PITPNC1: variants seen among roughly 807,000 people sequenced by gnomAD.
PITPNC1 encodes phosphatidylinositol transfer protein cytoplasmic 1, also known as cytoplasmic phosphatidylinositol transfer protein 1.
PITPNC1 carries 18 observed loss-of-function variants against 44.7 expected under a neutral mutation model. The observed-to-expected ratio is 0.40, with a 90% confidence interval of 0.28 to 0.60. The LOEUF is 0.60. PITPNC1 is among the 20% of genes least tolerant of loss of function. The probability of loss-of-function intolerance (pLI) is 0.39; values close to 1 mark genes in which losing one functional copy is unlikely to be tolerated. For missense variants in PITPNC1, 290 were observed against 418.4 expected, an observed-to-expected ratio of 0.69 and a Z score of 2.68; for synonymous variants, 141 against 149.6, an observed-to-expected ratio of 0.94 and a Z score of 0.42.
chr17:67,631,058 T>C (rs1234288220), intron 5 of PITPNC1, among the ~76,000 whole-genome samples: 1 of 126,782 alleles, frequency 7.9e-6, no homozygotes, highest in Non-Finnish European at 1.6e-5. Context: ...TTGTTGTTAT[T>C]ATTATTATTA....
At position 67,510,514 on chromosome 17, in the gene PITPNC1, C is replaced by CTCTAATCCCTCTCT. The variant is rs1447415330; in HGVS notation, c.49-22288_49-22287insTCTAATCCCTCTCT. Among the ~76,000 whole-genome samples the CTCTAATCCCTCTCT allele has an allele frequency of 1.9e-4, 29 of 152,338 alleles. No individual in the cohort carries two copies. In the East Asian group the frequency reaches 4.8e-3, roughly 25 times the overall value. The stretch of plus-strand genomic sequence containing the variant: ...TTCTTCAGAAGCCTCTCTAATGCCT[C>CTCTAATCCCTCTCT]AAGCCCTTCACTACTCAAGAGGGCG... On this transcript the variant is annotated intron_variant, in intron 1 of 8. Coordinates refer to ENST00000581322, the MANE Select transcript of PITPNC1 (RefSeq NM_012417.4).
intron 2 of PITPNC1, among the ~76,000 whole-genome samples, chr17:67,540,399 C>T (rs11869090): frequency 0.56 from 84,500 of 151,980 alleles, 23,823 homozygotes; most frequent in East Asian, 0.77. Context: ...GCCATCGCAC[C>T]TGGCCTATTC....
In PITPNC1 at chr17:67,631,657, A is replaced by AAAATATATAT. The variant is rs1555574522; in HGVS notation, c.367-485_367-484insAATATATATA. Among the ~76,000 whole-genome samples, 8 of 7,676 alleles carry AAAATATATAT rather than the reference A, an allele frequency of 1.0e-3. 1 individual carries two copies. Among genetic ancestry groups the AAAATATATAT allele is most frequent in the African/African-American group, 2.6e-3 (7 of 2,712 alleles). The allele number at this position is 7,676 out of a possible 152,430, so 5.0% of individuals were successfully genotyped here. On this transcript the variant is annotated intron_variant, in intron 5 of 8. Transcript: ENST00000581322. ...AACCAAAAAAAAAAAAAAAAAAAAA[A>AAAATATATAT]ATATATATATATATAAAATATATAT...
chr17:67,577,131 T>A (rs2041160089), intron 4 of PITPNC1, among the ~76,000 whole-genome samples: 1 of 150,830 alleles, frequency 6.6e-6, no homozygotes, highest in Non-Finnish European at 1.5e-5. Flanking sequence ...AAAAAAATTT[T>A]AAAAATCCGC....
intron 1 of PITPNC1, among the ~76,000 whole-genome samples, chr17:67,423,703 C>G (rs185236017): frequency 1.3e-3 from 197 of 152,128 alleles, no homozygotes; most frequent in Middle Eastern, 3.4e-3. Context: ...TCCTATAGTT[C>G]TGGAGCAAAG....
chr17:67,519,013 G>A (rs539953415), intron 1 of PITPNC1, among the ~76,000 whole-genome samples: 14 of 152,104 alleles, frequency 9.2e-5, no homozygotes, highest in Non-Finnish European at 1.5e-4. Context: ...TGCATTGCTG[G>A]TAGGGATGTA....
intron 6 of PITPNC1, among the ~76,000 whole-genome samples, chr17:67,634,339 G>A (rs1036636475): frequency 2.0e-5 from 3 of 152,150 alleles, no homozygotes; most frequent in Non-Finnish European, 4.4e-5. Flanking sequence ...CACTTTGGGA[G>A]GCCAAGGCAG....
chr17:67,598,637 C>T (rs2144268686), intron 5 of PITPNC1, among the ~76,000 whole-genome samples: 1 of 152,232 alleles, frequency 6.6e-6, no homozygotes, highest in South Asian at 2.1e-4. Context: ...TACCTGTAAT[C>T]CTAGCACTTT....
intron 1 of PITPNC1, among the ~76,000 whole-genome samples, chr17:67,480,240 CA>C (rs1183046684): frequency 6.6e-6 from 1 of 152,036 alleles, no homozygotes; most frequent in East Asian, 1.9e-4. Context: ...GAAATTCATC[CA>C]AAAATGTAAT....
At chr17:67,451,027 T>A (rs2039167552) in intron 1 of PITPNC1, among the ~76,000 whole-genome samples, 1 of 152,124 alleles carries the variant, frequency 6.6e-6, no homozygotes, top group African/African-American at 2.4e-5. Flanking sequence ...CATATCAGAA[T>A]CTAATTTCTT....
Position 67,578,171 on chromosome 17 carries a change from G to A in PITPNC1, c.295-15G>A, listed in dbSNP as rs1392972838. ...AAAAATGTTATGCTAATGAAAATTTGCTTTTCTCCCACAGTGTTCCTTTCT... is the reference window on the plus strand; with the variant it reads ...AAAAATGTTATGCTAATGAAAATTTACTTTTCTCCCACAGTGTTCCTTTCT... On this transcript the variant is annotated splice_polypyrimidine_tract_variant and intron_variant, in intron 4 of 8. Coordinates refer to ENST00000581322, the MANE Select transcript of PITPNC1 (RefSeq NM_012417.4). 1.9e-6 allele frequency: 3 copies of A among 1,570,194 alleles called. 1 individual carries two copies. Among genetic ancestry groups the A allele is most frequent in the Admixed American group, 3.3e-5 (2 of 59,940 alleles).
At chr17:67,433,691 G>A (rs1001063137) in intron 1 of PITPNC1, among the ~76,000 whole-genome samples, 30 of 152,102 alleles carry the variant, frequency 2.0e-4, no homozygotes, top group African/African-American at 7.2e-4. Context: ...AGCCTGGATA[G>A]TAGAGTGAGA....
intron 1 of PITPNC1, among the ~76,000 whole-genome samples, chr17:67,381,611 C>T (rs929301697): frequency 3.3e-5 from 5 of 151,844 alleles, no homozygotes; most frequent in East Asian, 2.0e-4. Context: ...GGACTACAGG[C>T]GCCAGCCACC....
At chr17:67,452,517 T>TA (rs34901675) in intron 1 of PITPNC1, among the ~76,000 whole-genome samples, 1 of 65,698 alleles carries the variant, frequency 1.5e-5, no homozygotes, top group Non-Finnish European at 2.8e-5. Context: ...ATTGCTGGGG[T>TA]TTTTTTTTTT....
chr17:67,430,159 G>A (rs1224810199), intron 1 of PITPNC1, among the ~76,000 whole-genome samples: 1 of 152,192 alleles, frequency 6.6e-6, no homozygotes, highest in Non-Finnish European at 1.5e-5. Context: ...TTTATAGATG[G>A]TAACGTCTTT....
At chr17:67,507,649 A>G (rs2040123124) in intron 1 of PITPNC1, among the ~76,000 whole-genome samples, 1 of 136,198 alleles carries the variant, frequency 7.3e-6, no homozygotes, top group Non-Finnish European at 1.5e-5. Context: ...GTACTGCTGC[A>G]CTCCAGCCTG....
chr17:67,566,341 T>A (rs1470258378), intron 4 of PITPNC1, among the ~76,000 whole-genome samples: 1 of 152,132 alleles, frequency 6.6e-6, no homozygotes, highest in Non-Finnish European at 1.5e-5. Flanking sequence ...GTAGCTGGGA[T>A]GACAGGCGTG....
chr17:67,407,137 C>T (rs983258168), intron 1 of PITPNC1, among the ~76,000 whole-genome samples: 9 of 152,214 alleles, frequency 5.9e-5, no homozygotes, highest in East Asian at 1.9e-4. Flanking sequence ...CTACAGTGTA[C>T]GATGGTTCCA....
chr17:67,485,681 C>G (rs1376434771), intron 1 of PITPNC1, among the ~76,000 whole-genome samples: 1 of 152,058 alleles, frequency 6.6e-6, no homozygotes. Context: ...GAACAACTGA[C>G]TTGCCAATTT....
Sources: allele counts gnomAD v4.1 joint callset (sites outside exome capture counted in the v4.1 genomes callset), GRCh38; gene constraint gnomAD v4.1.1; transcripts MANE v1.5; gene names NCBI Gene and HGNC (gene_info 2026-07-23, HGNC 2026-07-21).